Variants in PHKA2 observed in about 807,000 individuals in gnomAD.
PHKA2 encodes the protein phosphorylase b kinase regulatory subunit alpha, liver isoform.
PHKA2 carries 31 observed loss-of-function variants against 102.0 expected under a neutral mutation model. The ratio of observed to expected loss-of-function variants is 0.30; its 90% CI spans 0.23 to 0.41. The LOEUF is 0.41. Ranked by LOEUF, PHKA2 falls within the 10% of genes least tolerant of loss-of-function variation. The pLI, the probability that PHKA2 is intolerant of heterozygous loss-of-function variation, is 1.00. For missense variants in PHKA2, 858 were observed against 1,023.1 expected, an observed-to-expected ratio of 0.84 and a Z score of 2.20; for synonymous variants, 455 against 416.2, an observed-to-expected ratio of 1.09 and a Z score of -1.13.
Position 18,910,883 on chromosome X carries a change from G to T in PHKA2, c.2215C>A (p.Leu739Ile). 8.5e-7 allele frequency: 1 copy of T among 1,180,231 alleles called. No homozygotes were observed. The highest frequency in any genetic ancestry group is 1.2e-6 in the Non-Finnish European group (1 of 869,294). Residue 739 changes from leucine (L) to isoleucine (I), a missense_variant, in exon 20 of 33, where the codon CTC (leucine) becomes ATC (isoleucine). Physicochemically the swap from Leu to Ile is conservative, Grantham distance 5. Coordinates refer to ENST00000379942, the MANE Select transcript of PHKA2 (RefSeq NM_000292.3). The part of the protein sequence containing the change: ...SLNLVDSPQP[L>I]LEKVPESDFQ... ...TCCATATACTTTACCTTTTCTAGGA[G>T]TGGCTGAGGAGAATCAACAAGATTC...
At chrX:18,943,345 A>T (rs1247107800) in intron 7 of PHKA2, among the ~76,000 whole-genome samples, 1 of 112,119 alleles carries the variant, frequency 8.9e-6, no homozygotes, top group African/African-American at 3.2e-5. Flanking sequence ...GTGCTTGCTC[A>T]TCATTCAATT....
chrX:18,903,269 G>A (rs2047733013), intron 26 of PHKA2, among the ~76,000 whole-genome samples: 1 of 112,328 alleles, frequency 8.9e-6, no homozygotes, highest in Non-Finnish European at 1.9e-5. Context: ...AGTGTTGACT[G>A]GTCAACAATA....
intron 19 of PHKA2, chrX:18,915,579 C>T (rs1367196240): frequency 2.0e-5 from 2 of 98,380 alleles, no homozygotes; most frequent in South Asian, 5.4e-4. Context: ...TGTCTTGCTA[C>T]GTTGCCCAGG....
chrX:18,968,255 A>C, intron 1 of PHKA2, among the ~76,000 whole-genome samples: 1 of 111,760 alleles, frequency 8.9e-6, no homozygotes, highest in Non-Finnish European at 1.9e-5. Flanking sequence ...TTTTTTTTCA[A>C]AACAAAAAAG....
chrX:18,894,967 G>A, intron 31 of PHKA2, 171 bp downstream of exon 31: 1 of 530,528 alleles, frequency 1.9e-6, no homozygotes, highest in Non-Finnish European at 3.4e-6. Flanking sequence ...AATAAATGCT[G>A]GAAAGACATT....
At chrX:18,981,415 G>A (rs1478299778) in intron 1 of PHKA2, among the ~76,000 whole-genome samples, 1 of 111,247 alleles carries the variant, frequency 9.0e-6, no homozygotes, top group African/African-American at 3.3e-5. Context: ...TTAAAATGTT[G>A]GGGAGGAAAG....
At chrX:18,920,876 A>G (rs967821267) in intron 17 of PHKA2, among the ~76,000 whole-genome samples, 2 of 112,562 alleles carry the variant, frequency 1.8e-5, no homozygotes, top group African/African-American at 3.2e-5. Flanking sequence ...TTAAAAGGTT[A>G]CACCGGGGGA....
At chrX:18,947,790 G>A (rs190175274) in intron 5 of PHKA2, among the ~76,000 whole-genome samples, 5 of 112,043 alleles carry the variant, frequency 4.5e-5, no homozygotes, top group African/African-American at 1.6e-4. Context: ...AAGAAGCTGT[G>A]GTATATATAT....
At chrX:18,966,412 A>G (rs1447907430) in intron 1 of PHKA2, among the ~76,000 whole-genome samples, 2 of 111,338 alleles carry the variant, frequency 1.8e-5, no homozygotes, top group Non-Finnish European at 3.8e-5. Context: ...CTTTAACTGT[A>G]AAAGGCAACT....
At chrX:18,982,003 T>C (rs983988570) in intron 1 of PHKA2, among the ~76,000 whole-genome samples, 2 of 112,007 alleles carry the variant, frequency 1.8e-5, no homozygotes, top group Non-Finnish European at 3.8e-5. Flanking sequence ...CAGCTCTCCT[T>C]AAAGCCCTCT....
At position 18,897,206 on chromosome X, in the gene PHKA2, A is replaced by C; in HGVS notation, c.3239T>G (p.Val1080Gly). 8.3e-7 allele frequency: 1 copy of C among 1,210,609 alleles called. No homozygotes were observed. Among genetic ancestry groups the C allele is most frequent in the Non-Finnish European group, 1.1e-6 (1 of 895,099 alleles). ...CACCCTCTGGTAGAATCCCACGGGGACCCTGTTGATGGCCCCATCCAGCCT... is the reference window on the plus strand; with the variant it reads ...CACCCTCTGGTAGAATCCCACGGGGCCCCTGTTGATGGCCCCATCCAGCCT... The part of the protein sequence containing the change: ...RRRLDGAINR[V>G]PVGFYQRVWK... The change falls in exon 30 of 33, where the codon GTC (valine) becomes GGC (glycine). Residue 1080 changes from valine to glycine, a missense_variant. By Grantham distance (109) the Val-to-Gly change is moderately radical (BLOSUM62 -3). Around this residue, in one of 2 missense-constraint regions of PHKA2, gnomAD observed 671 missense variants for 745.2 expected, o/e 0.90. Coordinates refer to ENST00000379942, the MANE Select transcript of PHKA2 (RefSeq NM_000292.3).
intron 19 of PHKA2, among the ~76,000 whole-genome samples, chrX:18,911,336 G>A (rs2047923162): frequency 9.0e-6 from 1 of 111,477 alleles, no homozygotes; most frequent in Non-Finnish European, 1.9e-5. Context: ...ACCACGCCTG[G>A]CTAATTTTGT....
intron 1 of PHKA2, among the ~76,000 whole-genome samples, chrX:18,966,070 G>T (rs1449275854): frequency 1.9e-5 from 2 of 105,220 alleles, no homozygotes; most frequent in African/African-American, 7.0e-5. Context: ...TCTCTTGGTG[G>T]TGGCTCTTTT....
intron 30 of PHKA2, chrX:18,895,833 C>G (rs746325633): frequency 8.5e-6 from 1 of 117,226 alleles, no homozygotes; most frequent in East Asian, 2.7e-4. Flanking sequence ...TCCCAGCACC[C>G]CGGCCTGGAG....
chrX:18,929,411 CTT>C (rs2048277190), intron 12 of PHKA2, 105 bp from the exon 13 acceptor site: 2 of 561,452 alleles, frequency 3.6e-6, no homozygotes, highest in African/African-American at 4.6e-5. Context: ...ATATTCAAGA[CTT>C]TTTTCTTTAT....
At position 18,954,648 on chromosome X, in the gene PHKA2, C is replaced by T. The variant is rs1199835265; in HGVS notation, c.79-236G>A. 4.4e-5 allele frequency among the ~76,000 whole-genome samples: 5 copies of T among 112,822 alleles called. No individual in the cohort carries two copies. The East Asian group carries it at 1.1e-3, about 25-fold the overall frequency. On this transcript the variant is annotated intron_variant, in intron 1 of 32. Coordinates refer to ENST00000379942, the MANE Select transcript of PHKA2 (RefSeq NM_000292.3). Reference sequence around the variant, plus strand: ...ATGTGACTAGAAAATCTCTCAGAAACATTCCAGCTCTTATGTTCTTTTGCT... The same window carrying T: ...ATGTGACTAGAAAATCTCTCAGAAATATTCCAGCTCTTATGTTCTTTTGCT...
At chrX:18,900,899 C>T (rs1398167527) in intron 27 of PHKA2, among the ~76,000 whole-genome samples, 200 bp from the exon 28 acceptor site, 1 of 110,657 alleles carries the variant, frequency 9.0e-6, no homozygotes, top group Non-Finnish European at 1.9e-5. Flanking sequence ...TTCTCATGGT[C>T]AGAGGGAAAC....
chrX:18,945,081 G>A lies in PHKA2; in HGVS notation c.615C>T (p.Ala205=), dbSNP rs974251363. 2.6e-6 allele frequency: 3 copies of A among 1,169,848 alleles called. No homozygotes were observed. The highest frequency in any genetic ancestry group is 3.5e-6 in the Non-Finnish European group (3 of 858,405). The change falls in exon 6 of 33, where the codon GCC becomes GCT. Residue 205 remains alanine, a synonymous_variant. Transcript: ENST00000379942. ...PELNASSVGM[A]KAALEAIDEL... is the part of the protein sequence containing the mutation. ...GAACAAACAGGACAACTGTCACCTT[G>A]GCCATTCCTACGGAGCTTGCATTCA...
rs1313797079 is a variant in PHKA2 at position 18,918,833 on chromosome X, T to C, written c.1985A>G (p.His662Arg). ...GCTTTGCAGAAGGTGGTTGATATAATGGTCAAGTTCGTCTTGGCTTTCTGT... is the reference window on the plus strand; with the variant it reads ...GCTTTGCAGAAGGTGGTTGATATAACGGTCAAGTTCGTCTTGGCTTTCTGT... The part of the protein sequence containing the change: ...CNQESQDELD[H>R]YINHLLQSTS... Residue 662 changes from histidine (H) to arginine (R), a missense_variant, in exon 19 of 33, where the codon CAT becomes CGT. His to Arg is a conservative substitution (Grantham distance 29, BLOSUM62 0). Around this residue, in one of 2 missense-constraint regions of PHKA2, gnomAD observed 671 missense variants for 745.2 expected, o/e 0.90. Transcript: ENST00000379942. 14 of 1,209,406 alleles carry C rather than the reference T, an allele frequency of 1.2e-5. No homozygotes were observed. The highest frequency in any genetic ancestry group is 1.5e-5 in the Non-Finnish European group (13 of 894,858).
Sources: gnomAD v4.1 joint callset for allele counts (sites outside exome capture counted in the v4.1 genomes callset) on GRCh38, gnomAD v4.1.1 for gene constraint, gnomAD v4.1.1 regional missense constraint, MANE v1.5 for transcripts, NCBI Gene and HGNC (gene_info 2026-07-23, HGNC 2026-07-21) for gene names.